TANGO6: variants seen among roughly 807,000 people sequenced by gnomAD.
The protein encoded by TANGO6 is transport and golgi organization 6 homolog.
A neutral mutation model predicts 114.2 loss-of-function variants in TANGO6; 90 were observed. That is an observed-to-expected ratio of 0.79 (90% CI 0.66 to 0.94). The LOEUF (loss-of-function observed/expected upper bound fraction) is 0.94. Among genes scored for constraint, TANGO6 ranks in the 40% least tolerant of loss-of-function variants. TANGO6 has a pLI of 0.00. For missense variants in TANGO6, 1,274 were observed against 1,315.3 expected (o/e 0.97, Z 0.49); for synonymous variants, 477 against 509.8 (o/e 0.94, Z 0.87).
At chr16:69,043,296 GT>G (rs1422935835) in intron 17 of TANGO6, among the ~76,000 whole-genome samples, 1 of 147,582 alleles carries the variant, frequency 6.8e-6, no homozygotes, top group Non-Finnish European at 1.5e-5. Context: ...GTGTGTGTGT[GT>G]GTGTGTGTGT....
chr16:68,964,684 A>G (rs1216777437), intron 14 of TANGO6, among the ~76,000 whole-genome samples: 1 of 148,846 alleles, frequency 6.7e-6, no homozygotes, highest in Non-Finnish European at 1.5e-5. Context: ...CTCCTGCCTC[A>G]GCCTCCCGAG....
At chr16:68,991,905 A>C (rs1489387386) in intron 15 of TANGO6, among the ~76,000 whole-genome samples, 1 of 152,140 alleles carries the variant, frequency 6.6e-6, no homozygotes, top group Non-Finnish European at 1.5e-5. Flanking sequence ...TGACACAAAG[A>C]GATGAGGATT....
intron 17 of TANGO6, among the ~76,000 whole-genome samples, chr16:69,047,007 C>A (rs747292463): frequency 6.7e-6 from 1 of 149,772 alleles, no homozygotes; most frequent in East Asian, 2.0e-4. Flanking sequence ...ATGGTGAAAC[C>A]CTGTCTTTAC....
At chr16:68,875,711 G>A (rs895478196) in intron 5 of TANGO6, among the ~76,000 whole-genome samples, 6 of 151,680 alleles carry the variant, frequency 4.0e-5, no homozygotes, top group East Asian at 1.9e-4. Flanking sequence ...GGAGGTTGCC[G>A]TGAGCCGAGA....
intron 17 of TANGO6, among the ~76,000 whole-genome samples, chr16:69,067,627 G>C (rs143803378): frequency 6.6e-6 from 1 of 150,720 alleles, no homozygotes; most frequent in Admixed American, 6.6e-5. Flanking sequence ...AGACCAGCCT[G>C]GGCAACATGG....
chr16:68,890,103 G>A (rs1022017835), intron 7 of TANGO6, among the ~76,000 whole-genome samples: 4 of 152,108 alleles, frequency 2.6e-5, no homozygotes, highest in Admixed American at 2.0e-4. Context: ...TTAATCTTTA[G>A]GAGGTGTAAA....
intron 14 of TANGO6, among the ~76,000 whole-genome samples, chr16:68,931,239 G>A (rs1053239930): frequency 5.9e-5 from 9 of 152,242 alleles, no homozygotes; most frequent in East Asian, 5.8e-4. Flanking sequence ...ATTACCATGC[G>A]TTGGCAAATT....
chr16:69,018,139 CTTTTTTTTTTTT>C (rs34796579), intron 15 of TANGO6, among the ~76,000 whole-genome samples: 2 of 77,074 alleles, frequency 2.6e-5, no homozygotes, highest in African/African-American at 4.7e-5. Flanking sequence ...TTGGAAATCT[CTTTTTTTTTTTT>C]TTTTTTTTTT....
intron 14 of TANGO6, chr16:68,973,727 T>C (rs1026569307): frequency 3.8e-5 from 14 of 371,718 alleles, no homozygotes; most frequent in East Asian, 1.0e-4. Flanking sequence ...AGGGAAATTA[T>C]ACAGGAATGG....
intron 14 of TANGO6, among the ~76,000 whole-genome samples, chr16:68,962,852 C>T (rs1164404245): frequency 6.0e-5 from 9 of 150,856 alleles, no homozygotes; most frequent in South Asian, 2.1e-4. Context: ...GAGGTCGAGG[C>T]GGGTGGATCA....
intron 1 of TANGO6, among the ~76,000 whole-genome samples, chr16:68,850,193 C>T (rs1365447271): frequency 2.0e-5 from 3 of 151,932 alleles, no homozygotes; most frequent in Non-Finnish European, 4.4e-5. Context: ...AGTCTGGTCT[C>T]GAACTCCTGA....
rs1963189533 is a variant in TANGO6 at position 68,927,884 on chromosome 16, T to C, written c.2444T>C (p.Ile815Thr). 2 of 1,613,776 alleles carry C rather than the reference T, an allele frequency of 1.2e-6. No individual in the cohort carries two copies. The highest frequency in any genetic ancestry group is 3.3e-5 in the Admixed American group (2 of 59,978). Residue 815 changes from isoleucine (I) to threonine (T), a missense_variant, in exon 13 of 18, where the codon ATC becomes ACC. Around this residue, in one of 5 missense-constraint regions of TANGO6, gnomAD observed 908 missense variants for 910.2 expected, o/e 1.00. Transcript: ENST00000261778. ...PQTGLQSNAP[I>T]IPQGVNEPST... is the part of the protein sequence containing the mutation. The stretch of plus-strand genomic sequence containing the variant: ...ACAGGCCTGCAGTCAAATGCTCCAA[T>C]CATTCCTCAAGGAGTCAATGAGCCC...
chr16:69,042,546 C>CA (rs1413670904), intron 17 of TANGO6, among the ~76,000 whole-genome samples: 2 of 151,808 alleles, frequency 1.3e-5, no homozygotes, highest in East Asian at 3.9e-4. Flanking sequence ...GTCTCCTTCT[C>CA]AAAAAACAAA....
chr16:68,896,991 C>T (rs1411358111), intron 7 of TANGO6, among the ~76,000 whole-genome samples: 1 of 152,084 alleles, frequency 6.6e-6, no homozygotes, highest in Non-Finnish European at 1.5e-5. Context: ...GCAACCTCCA[C>T]CTCCTGGGTT....
chr16:68,852,813 CA>C (rs926256468), intron 1 of TANGO6, among the ~76,000 whole-genome samples: 2 of 152,052 alleles, frequency 1.3e-5, no homozygotes, highest in Non-Finnish European at 2.9e-5. Context: ...GCCTGGGTGA[CA>C]GAGCGAGACC....
chr16:69,059,744 C>T (rs1300786705), intron 17 of TANGO6, among the ~76,000 whole-genome samples: 7 of 152,124 alleles, frequency 4.6e-5, no homozygotes, highest in African/African-American at 1.4e-4. Flanking sequence ...CACTTTTCTA[C>T]TCTTTAATTC....
chr16:68,954,529 T>G (rs942939175), intron 14 of TANGO6, among the ~76,000 whole-genome samples: 1 of 152,174 alleles, frequency 6.6e-6, no homozygotes, highest in Non-Finnish European at 1.5e-5. Flanking sequence ...AAAAAAGTTT[T>G]GAGAACTCAC....
At chr16:68,983,099 C>A (rs1204147298) in intron 15 of TANGO6, among the ~76,000 whole-genome samples, 1 of 152,016 alleles carries the variant, frequency 6.6e-6, no homozygotes, top group East Asian at 1.9e-4. Flanking sequence ...ATCCTCCTGC[C>A]TTGGCTGCTC....
chr16:69,068,927 G>A lies in TANGO6; in HGVS notation c.3109-14558G>A, dbSNP rs557011655. ...AGAAGGGGTTTTGCCATGTTGGCCA[G>A]GCTGGTCTCGAACTCCTGACCTCAG... On this transcript the variant is annotated intron_variant, in intron 17 of 17. Transcript: ENST00000261778. Among the ~76,000 whole-genome samples, 10 of 152,266 alleles carry A rather than the reference G, an allele frequency of 6.6e-5. No homozygotes were observed. In the South Asian group the frequency reaches 2.1e-3, roughly 32 times the overall value.
Sources: gnomAD v4.1 joint callset for allele counts (sites outside exome capture counted in the v4.1 genomes callset) on GRCh38, gnomAD v4.1.1 for gene constraint, gnomAD v4.1.1 regional missense constraint, MANE v1.5 for transcripts, NCBI Gene and HGNC (gene_info 2026-07-23, HGNC 2026-07-21) for gene names.